NDUFA5: variants seen among roughly 807,000 people sequenced by gnomAD.
NDUFA5 encodes the protein NADH dehydrogenase [ubiquinone] 1 alpha subcomplex subunit 5.
In NDUFA5, 11 loss-of-function variants were observed where a neutral mutation model predicts 19.8. That is an observed-to-expected ratio of 0.56 (90% confidence interval 0.35 to 0.92). The LOEUF is 0.92. Among genes scored for constraint, NDUFA5 ranks in the 40% least tolerant of loss-of-function variants. The pLI is 0.01. For synonymous variants in NDUFA5, 47 were observed against 46.8 expected (o/e 1.00, Z -0.01); for missense variants, 109 against 134.2 (o/e 0.81, Z 0.93).
chr7:123,550,722 T>A, intron 2 of NDUFA5, 136 bp from the exon 3 acceptor site: 1 of 599,892 alleles, frequency 1.7e-6, no homozygotes, highest in Non-Finnish European at 2.9e-6. Context: ...ATTTAACTCT[T>A]CTTTGCTCTG....
At chr7:123,552,154 C>T (rs1287755268) in intron 2 of NDUFA5, among the ~76,000 whole-genome samples, 1 of 150,998 alleles carries the variant, frequency 6.6e-6, no homozygotes, top group Non-Finnish European at 1.5e-5. Flanking sequence ...AACCCTTCTC[C>T]TAAAGAGCAA....
chr7:123,569,969 C>T, the NDUFA5 span, among the ~76,000 whole-genome samples: 3 of 150,276 alleles, frequency 2.0e-5, no homozygotes, highest in Non-Finnish European at 4.4e-5. Flanking sequence ...GGAAAAACTG[C>T]ACTATGATGG....
At position 123,542,014 on chromosome 7, in the gene NDUFA5, T is replaced by C. The variant is rs144163626; in HGVS notation, c.*105A>G. The stretch of plus-strand genomic sequence containing the variant: ...AACAGTCTCCTACATATTTTCTATA[T>C]CACTTTTCTTGATTACAAAATGTCA... On this transcript the variant is annotated 3_prime_UTR_variant, in exon 5 of 5. Coordinates refer to ENST00000355749, the MANE Select transcript of NDUFA5 (RefSeq NM_005000.5). 599 of 698,130 alleles carry C rather than the reference T, an allele frequency of 8.6e-4. 2 individuals are homozygous for C. The highest frequency in any genetic ancestry group is 7.7e-3 in the South Asian group (312 of 40,630). The allele number at this position is 698,130 out of a possible 1,614,324, so 43.2% of individuals were successfully genotyped here.
At chr7:123,556,776 CTGACCATTGGATT>C in intron 2 of NDUFA5, 1 of 472,346 alleles carries the variant, frequency 2.1e-6, no homozygotes, top group Non-Finnish European at 4.1e-6. Context: ...GAAATATGAG[CTGACCATTGGATT>C]TGGCAGCATG....
At chr7:123,575,060 CTTT>C in the NDUFA5 span, among the ~76,000 whole-genome samples, 1 of 133,656 alleles carries the variant, frequency 7.5e-6, no homozygotes, top group African/African-American at 2.7e-5. Flanking sequence ...GGTATGTTTC[CTTT>C]TTTTTTTTTT....
intron 2 of NDUFA5, among the ~76,000 whole-genome samples, chr7:123,551,980 T>A (rs532164176): frequency 1.3e-5 from 2 of 152,284 alleles, no homozygotes; most frequent in South Asian, 4.1e-4. Context: ...GAAAAAATGT[T>A]ATCAATAGGG....
chr7:123,550,620 T>C (rs1481659059), intron 2 of NDUFA5, 34 bp from the exon 3 acceptor site: 1 of 1,281,652 alleles, frequency 7.8e-7, no homozygotes, highest in Admixed American at 1.9e-5. Flanking sequence ...TTCCATAGGT[T>C]AAAATATTAC....
chr7:123,552,549 T>C (rs1798386525), intron 2 of NDUFA5, among the ~76,000 whole-genome samples: 1 of 148,056 alleles, frequency 6.8e-6, no homozygotes, highest in South Asian at 2.1e-4. Context: ...GACGGGTTGA[T>C]GGGTGCGGCA....
upstream of NDUFA5, among the ~76,000 whole-genome samples, chr7:123,559,687 C>G (rs1159492536): frequency 3.3e-5 from 5 of 151,894 alleles, no homozygotes; most frequent in African/African-American, 9.7e-5. Flanking sequence ...AAAACCTTCT[C>G]TCTACTAAAA....
the NDUFA5 span, among the ~76,000 whole-genome samples, chr7:123,592,443 C>T: frequency 6.6e-6 from 1 of 152,308 alleles, no homozygotes; most frequent in African/African-American, 2.4e-5. Flanking sequence ...TTTCCCTCCA[C>T]ACACTGCTTT....
chr7:123,574,316 C>A, the NDUFA5 span, among the ~76,000 whole-genome samples: 2 of 151,948 alleles, frequency 1.3e-5, no homozygotes, highest in East Asian at 3.9e-4. Context: ...TAGCCCAGGA[C>A]AATCTTTTAA....
chr7:123,568,182 A>C, the NDUFA5 span, among the ~76,000 whole-genome samples: 1 of 152,186 alleles, frequency 6.6e-6, no homozygotes, highest in Non-Finnish European at 1.5e-5. Flanking sequence ...ATTTGGATTA[A>C]GTTTAATATT....
chr7:123,549,272 T>C (rs998370789), intron 3 of NDUFA5, among the ~76,000 whole-genome samples: 37 of 152,162 alleles, frequency 2.4e-4, no homozygotes, highest in African/African-American at 8.9e-4. Context: ...ACAGATCAAT[T>C]AGTTATAAGG....
the NDUFA5 span, among the ~76,000 whole-genome samples, chr7:123,587,043 C>T: frequency 6.6e-6 from 1 of 151,508 alleles, no homozygotes; most frequent in Non-Finnish European, 1.5e-5. Context: ...ATTGATTTAG[C>T]CATTTAAGGT....
the NDUFA5 span, among the ~76,000 whole-genome samples, chr7:123,573,845 A>T: frequency 0.065 from 9,887 of 152,214 alleles, 352 homozygotes; most frequent in Non-Finnish European, 0.078. Context: ...GTTCTACAGA[A>T]ATGTTTATAT....
rs764075463 is a variant in NDUFA5 at position 123,557,587 on chromosome 7, G to A, written c.22-139C>T. ...ACTGGTCTCTCAGTCTCGCTTGTTT[G>A]GAGCTTTTTTCCTGACTCTCGGAGC... is the stretch of plus-strand genomic sequence containing the variant. On this transcript the variant is annotated intron_variant, in intron 1 of 4. Coordinates refer to ENST00000355749, the MANE Select transcript of NDUFA5 (RefSeq NM_005000.5). 5 of 1,612,776 alleles carry A rather than the reference G, an allele frequency of 3.1e-6. No individual in the cohort carries two copies. The South Asian group carries it at 3.3e-5, about 11-fold the overall frequency.
chr7:123,597,858 G>A, the NDUFA5 span, among the ~76,000 whole-genome samples: 2 of 151,664 alleles, frequency 1.3e-5, no homozygotes, highest in East Asian at 1.9e-4. Context: ...CACAGATATG[G>A]GGAAACTACT....
the NDUFA5 span, among the ~76,000 whole-genome samples, chr7:123,573,407 G>A: frequency 6.6e-6 from 1 of 151,062 alleles, no homozygotes. Context: ...TTTGCCTAGA[G>A]CTCCCAGTCT....
chr7:123,537,269 T>C lies in NDUFA5; in HGVS notation c.*4850A>G, dbSNP rs1797780444. ...ACAAAGATGCCACCTAGTGGCTTGA[T>C]AAAATCAAGCATTTCAAAGTATCTC... On this transcript the variant is annotated 3_prime_UTR_variant, in exon 5 of 5. Transcript: ENST00000355749. 6.6e-6 allele frequency: 1 copy of C among 152,204 alleles called. No individual in the cohort carries two copies. The highest frequency in any genetic ancestry group is 2.1e-4 in the South Asian group (1 of 4,834). 9.4% of individuals were successfully genotyped at this position (152,204 alleles called of 1,614,324 possible). A position where few individuals can be genotyped will look rare whatever the true frequency, so the allele number is the denominator to read the frequency against.
Sources: allele counts gnomAD v4.1 joint callset (sites outside exome capture counted in the v4.1 genomes callset), GRCh38; gene constraint gnomAD v4.1.1; transcripts MANE v1.5; gene names NCBI Gene and HGNC (gene_info 2026-07-23, HGNC 2026-07-21).